Variants in MAML3 observed in about 807,000 individuals in gnomAD.
The protein encoded by MAML3 is mastermind-like protein 3.
Under a neutral mutation model 101.9 loss-of-function variants are expected in MAML3, and 27 were observed. The ratio of observed to expected loss-of-function variants is 0.27; its 90% CI spans 0.20 to 0.37. The LOEUF (loss-of-function observed/expected upper bound fraction) is 0.37. Ranked by LOEUF, MAML3 falls within the 10% of genes least tolerant of loss-of-function variation. MAML3 has a pLI of 1.00. For synonymous variants in MAML3, 501 were observed against 555.9 expected, an observed-to-expected ratio of 0.90 and a Z score of 1.39; for missense variants, 1,316 against 1,444.9, an observed-to-expected ratio of 0.91 and a Z score of 1.45.
At chr4:140,123,143 A>T (rs1728636454) in intron 1 of MAML3, among the ~76,000 whole-genome samples, 1 of 151,346 alleles carries the variant, frequency 6.6e-6, no homozygotes, top group African/African-American at 2.4e-5. Context: ...GCTACAATCA[A>T]CAAAGGACTG....
intron 1 of MAML3, among the ~76,000 whole-genome samples, chr4:139,930,571 A>C (rs564329111): frequency 6.6e-6 from 1 of 152,302 alleles, no homozygotes; most frequent in Non-Finnish European, 1.5e-5. Flanking sequence ...GGGTCAATGC[A>C]AGCACTGAAA....
intron 1 of MAML3, among the ~76,000 whole-genome samples, chr4:140,003,721 G>A (rs1172305691): frequency 6.6e-6 from 1 of 152,214 alleles, no homozygotes; most frequent in Non-Finnish European, 1.5e-5. Flanking sequence ...AGTCTTGAAA[G>A]AGCACCAGAT....
chr4:140,046,405 T>G (rs1265101801), intron 1 of MAML3, among the ~76,000 whole-genome samples: 1 of 152,218 alleles, frequency 6.6e-6, no homozygotes, highest in African/African-American at 2.4e-5. Flanking sequence ...CACTAAGATT[T>G]GGGGGTTCTT....
At chr4:140,109,265 A>T (rs1464262929) in intron 1 of MAML3, among the ~76,000 whole-genome samples, 3 of 152,246 alleles carry the variant, frequency 2.0e-5, no homozygotes, top group African/African-American at 7.2e-5. Context: ...GATGTAGTCC[A>T]GTATGCATAA....
intron 1 of MAML3, among the ~76,000 whole-genome samples, chr4:140,050,855 C>A (rs149629678): frequency 6.6e-6 from 1 of 152,096 alleles, no homozygotes; most frequent in Non-Finnish European, 1.5e-5. Flanking sequence ...TGTTTGATAC[C>A]CAATGAAGTT....
At chr4:140,135,223 C>A (rs1728864087) in intron 1 of MAML3, among the ~76,000 whole-genome samples, 1 of 152,194 alleles carries the variant, frequency 6.6e-6, no homozygotes, top group Admixed American at 6.5e-5. Flanking sequence ...TTAACACTGT[C>A]TTGTAAAAAC....
chr4:139,745,220 G>T lies in MAML3; in HGVS notation c.2080-14553C>A, dbSNP rs574669637. 2.5e-4 allele frequency among the ~76,000 whole-genome samples: 38 copies of T among 152,298 alleles called. 1 individual carries two copies. In the South Asian group the frequency reaches 7.1e-3, roughly 28 times the overall value. On this transcript the variant is annotated intron_variant, in intron 2 of 4. Transcript: ENST00000509479. Reference sequence around the variant, plus strand: ...GTTTGCTGGGATGTGTGAGAGGAAAGCTTCACAGGGTGGGACTGGCCATGG... The same window carrying T: ...GTTTGCTGGGATGTGTGAGAGGAAATCTTCACAGGGTGGGACTGGCCATGG...
At chr4:140,101,855 T>A (rs1393327459) in intron 1 of MAML3, among the ~76,000 whole-genome samples, 1 of 152,096 alleles carries the variant, frequency 6.6e-6, no homozygotes, top group Non-Finnish European at 1.5e-5. Flanking sequence ...TGAGCATTTT[T>A]TTTTTTTTTT....
intron 1 of MAML3, among the ~76,000 whole-genome samples, chr4:139,932,567 C>T (rs928312267): frequency 6.6e-6 from 1 of 152,144 alleles, no homozygotes; most frequent in Non-Finnish European, 1.5e-5. Context: ...TAAATGCCCC[C>T]CTTACAGATC....
intron 2 of MAML3, among the ~76,000 whole-genome samples, chr4:139,752,167 C>T (rs1178386705): frequency 6.6e-6 from 1 of 152,182 alleles, no homozygotes; most frequent in Non-Finnish European, 1.5e-5. Flanking sequence ...ATTCCTATTT[C>T]ATTAGCTCTA....
At chr4:139,830,650 G>A (rs544189287) in intron 2 of MAML3, among the ~76,000 whole-genome samples, 2 of 152,012 alleles carry the variant, frequency 1.3e-5, no homozygotes, top group African/African-American at 2.4e-5. Flanking sequence ...TCCTGACCTC[G>A]TGATCCGCCC....
At chr4:140,151,417 G>A (rs891990425) in intron 1 of MAML3, among the ~76,000 whole-genome samples, 1 of 151,888 alleles carries the variant, frequency 6.6e-6, no homozygotes, top group East Asian at 2.0e-4. Context: ...CTGCGGCGTC[G>A]CCTCCCCTCC....
At chr4:139,772,394 T>A (rs1266447319) in intron 2 of MAML3, among the ~76,000 whole-genome samples, 1 of 150,122 alleles carries the variant, frequency 6.7e-6, no homozygotes, top group Non-Finnish European at 1.5e-5. Flanking sequence ...TAGGCTGGAG[T>A]GCAGTGGCGC....
intron 2 of MAML3, among the ~76,000 whole-genome samples, chr4:139,856,604 C>T (rs147989485): frequency 3.6e-4 from 55 of 152,292 alleles, no homozygotes; most frequent in African/African-American, 1.3e-3. Flanking sequence ...AGTCTCTTGT[C>T]GAACTTCTGT....
At chr4:140,039,601 C>T (rs1025769190) in intron 1 of MAML3, among the ~76,000 whole-genome samples, 3 of 152,196 alleles carry the variant, frequency 2.0e-5, no homozygotes, top group African/African-American at 2.4e-5. Flanking sequence ...CCACCCACCC[C>T]GACTGTGCAG....
chr4:139,723,226 T>A (rs1437210228), intron 4 of MAML3, among the ~76,000 whole-genome samples: 1 of 152,240 alleles, frequency 6.6e-6, no homozygotes, highest in Non-Finnish European at 1.5e-5. Context: ...TTTGTGGGTG[T>A]CTATTTATAT....
intron 2 of MAML3, among the ~76,000 whole-genome samples, chr4:139,766,588 C>A (rs1292892970): frequency 6.6e-6 from 1 of 152,172 alleles, no homozygotes; most frequent in African/African-American, 2.4e-5. Context: ...GGCTTGGCAC[C>A]TATGGTAACC....
At chr4:139,922,981 A>G (rs530906683) in intron 1 of MAML3, among the ~76,000 whole-genome samples, 1 of 152,026 alleles carries the variant, frequency 6.6e-6, no homozygotes, top group Admixed American at 6.5e-5. Context: ...CTGAAATCTC[A>G]CGGGATCCCC....
At chr4:139,870,240 A>G (rs1402084658) in intron 2 of MAML3, among the ~76,000 whole-genome samples, 1 of 152,162 alleles carries the variant, frequency 6.6e-6, no homozygotes, top group Non-Finnish European at 1.5e-5. Context: ...ATTTAGCAGC[A>G]TCTCTGCTCT....
Sources: gnomAD v4.1 joint callset for allele counts (sites outside exome capture counted in the v4.1 genomes callset) on GRCh38, gnomAD v4.1.1 for gene constraint, MANE v1.5 for transcripts, NCBI Gene and HGNC (gene_info 2026-07-23, HGNC 2026-07-21) for gene names.